Variants in PCDH11Y observed in about 807,000 individuals in gnomAD.
The protein encoded by PCDH11Y is protocadherin-11 Y-linked.
For synonymous variants in PCDH11Y, 9 were observed against 83.6 expected (o/e 0.11, Z 4.87); for missense variants, 12 against 224.8 (o/e 0.05, Z 6.05).
intron 2 of PCDH11Y, among the ~76,000 whole-genome samples, chrY:5,421,261 T>TA (rs2053258156): frequency 3.4e-5 from 1 of 29,372 alleles, no homozygotes; most frequent in Non-Finnish European, 8.2e-5. Context: ...GAACAAAAAA[T>TA]AAAAAACTCT....
chrY:5,418,011 A>T (rs2053254608), intron 2 of PCDH11Y, among the ~76,000 whole-genome samples: 1 of 33,422 alleles, frequency 3.0e-5, no homozygotes, highest in African/African-American at 1.2e-4. Context: ...TTCTCATTTT[A>T]AAAATATCAT....
intron 2 of PCDH11Y, among the ~76,000 whole-genome samples, chrY:5,464,575 A>G: frequency 6.2e-5 from 2 of 32,387 alleles, no homozygotes; most frequent in Admixed American, 2.9e-4. Context: ...CTGTGAGCCA[A>G]ACTGTAGTGA....
At chrY:5,543,454 G>A in intron 3 of PCDH11Y, among the ~76,000 whole-genome samples, 2 of 34,386 alleles carry the variant, frequency 5.8e-5, no homozygotes, top group African/African-American at 2.2e-4. Flanking sequence ...AATTGATTAC[G>A]TGTTTGTTCA....
chrY:5,436,823 G>A, intron 2 of PCDH11Y, among the ~76,000 whole-genome samples: 1 of 32,821 alleles, frequency 3.0e-5, no homozygotes, highest in African/African-American at 1.2e-4. Flanking sequence ...TATTAATAAC[G>A]CTCTTATCAA....
chrY:5,202,425 A>G, intron 2 of PCDH11Y, among the ~76,000 whole-genome samples: 1 of 32,813 alleles, frequency 3.0e-5, no homozygotes, highest in Non-Finnish European at 7.4e-5. Flanking sequence ...GGATTTTTAA[A>G]CCTTCCTTAG....
intron 2 of PCDH11Y, chrY:5,032,629 C>A: frequency 2.9e-6 from 1 of 347,421 alleles, no homozygotes; most frequent in South Asian, 3.5e-5. Context: ...GAGGCAAAGA[C>A]CTTTTTCTTC....
chrY:5,618,951 GAGC>G (rs2124702010), intron 4 of PCDH11Y, among the ~76,000 whole-genome samples: 2 of 30,790 alleles, frequency 6.5e-5, no homozygotes, highest in Non-Finnish European at 1.6e-4. Context: ...AGGCTGCAGT[GAGC>G]CATGATTATG....
chrY:5,017,914 C>A, intron 1 of PCDH11Y, among the ~76,000 whole-genome samples: 1 of 32,822 alleles, frequency 3.0e-5, no homozygotes, highest in Non-Finnish European at 7.5e-5. Context: ...AGATTTTTAA[C>A]CAGAATGCGA....
At chrY:5,490,577 C>T (rs2053337556) in intron 2 of PCDH11Y, among the ~76,000 whole-genome samples, 1 of 34,361 alleles carries the variant, frequency 2.9e-5, no homozygotes, top group East Asian at 8.0e-4. Flanking sequence ...ATGGCAGTGG[C>T]GGCTGTCTGG....
At chrY:5,554,032 T>G in intron 3 of PCDH11Y, among the ~76,000 whole-genome samples, 1 of 33,411 alleles carries the variant, frequency 3.0e-5, no homozygotes, top group East Asian at 8.0e-4. Context: ...AGTTTGGAAC[T>G]CCCTAGAGAC....
chrY:5,503,689 T>A (rs2053356149), intron 3 of PCDH11Y, among the ~76,000 whole-genome samples: 1 of 32,051 alleles, frequency 3.1e-5, no homozygotes, highest in Non-Finnish European at 7.7e-5. Flanking sequence ...ATAGTACGTG[T>A]GTGTGTGTGT....
At chrY:5,195,016 T>C (rs2052917234) in intron 2 of PCDH11Y, among the ~76,000 whole-genome samples, 1 of 33,226 alleles carries the variant, frequency 3.0e-5, no homozygotes, top group African/African-American at 1.2e-4. Flanking sequence ...AGAGCCCTGA[T>C]TGGTGCGTTT....
At chrY:5,672,093 G>C in intron 4 of PCDH11Y, among the ~76,000 whole-genome samples, 1 of 32,323 alleles carries the variant, frequency 3.1e-5, no homozygotes. Context: ...TGCATCCCAG[G>C]GGTAAATCTC....
In PCDH11Y at chrY:5,183,123, G is replaced by T. The variant is rs200044135; in HGVS notation, c.3129+82416G>T. 1.6e-3 allele frequency among the ~76,000 whole-genome samples: 53 copies of T among 33,414 alleles called. No homozygotes were observed. In the East Asian group the frequency reaches 0.043, roughly 27 times the overall value. 89.6% of individuals were successfully genotyped at this position (33,414 alleles called of 37,273 possible). ...TGTGTGTCAGACCCAAGGCCCTGGT[G>T]GTGTGGGCTCATGAAGTGATATCCA... On this transcript the variant is annotated intron_variant, in intron 2 of 4. Coordinates refer to the PCDH11Y transcript ENST00000400457.
At chrY:5,371,495 C>A in intron 2 of PCDH11Y, among the ~76,000 whole-genome samples, 1 of 33,367 alleles carries the variant, frequency 3.0e-5, no homozygotes, top group Non-Finnish European at 7.4e-5. Context: ...TTGTTTGATG[C>A]CTAAATACAT....
upstream of PCDH11Y, among the ~76,000 whole-genome samples, chrY:5,053,814 G>T (rs2124627439): frequency 9.9e-5 from 3 of 30,399 alleles, no homozygotes; most frequent in East Asian, 2.6e-3. Flanking sequence ...CTATTGCAAG[G>T]ACAGAAAACC....
intron 2 of PCDH11Y, among the ~76,000 whole-genome samples, chrY:5,146,681 GAT>G (rs2052857167): frequency 1.5e-4 from 4 of 26,265 alleles, no homozygotes; most frequent in Non-Finnish European, 2.6e-4. Context: ...GATTTCAAGA[GAT>G]GTGTGTGGGT....
intron 2 of PCDH11Y, among the ~76,000 whole-genome samples, chrY:5,294,509 G>A (rs2053070882): frequency 3.2e-5 from 1 of 31,371 alleles, no homozygotes; most frequent in South Asian, 7.3e-4. Flanking sequence ...TGCCTGCCTC[G>A]GCCTCCCAAA....
chrY:5,384,271 C>G, intron 2 of PCDH11Y, among the ~76,000 whole-genome samples: 5 of 31,640 alleles, frequency 1.6e-4, no homozygotes, highest in Non-Finnish European at 3.1e-4. Flanking sequence ...TTGCTGTGTT[C>G]TCTCTCATGT....
Sources: gnomAD v4.1 joint callset for allele counts (sites outside exome capture counted in the v4.1 genomes callset) on GRCh38, gnomAD v4.1.1 for gene constraint, MANE v1.5 for transcripts, NCBI Gene and HGNC (gene_info 2026-07-23, HGNC 2026-07-21) for gene names.